ADGRA1: variants seen among roughly 807,000 people sequenced by gnomAD.
ADGRA1 encodes the protein G-protein coupled receptor 123.
ADGRA1 carries 12 observed loss-of-function variants against 21.3 expected under a neutral mutation model. The ratio of observed to expected loss-of-function variants is 0.56; its 90% confidence interval spans 0.36 to 0.91. ADGRA1 has a LOEUF of 0.91. Among genes scored for constraint, ADGRA1 ranks in the 40% least tolerant of loss-of-function variants. The pLI is 0.01. For missense variants in ADGRA1, 790 were observed against 805.6 expected, an observed-to-expected ratio of 0.98 and a Z score of 0.23; for synonymous variants, 385 against 368.8, an observed-to-expected ratio of 1.04 and a Z score of -0.50.
chr10:133,091,447 C>A (rs182525545), intron 2 of ADGRA1, among the ~76,000 whole-genome samples: 29 of 152,308 alleles, frequency 1.9e-4, no homozygotes, highest in African/African-American at 7.0e-4. Flanking sequence ...TCCACAATTG[C>A]AATATTTAGG....
At chr10:133,097,197 A>G in intron 3 of ADGRA1, 96 bp downstream of exon 3, 1 of 1,440,726 alleles carries the variant, frequency 6.9e-7, no homozygotes, top group South Asian at 1.2e-5. Flanking sequence ...CTGCCCCCTC[A>G]TGTAGCAAGA....
rs775711151 is a variant in ADGRA1, at chr10:133,127,317, C to T, written c.486C>T (p.Asp162=). The T allele has an allele frequency of 5.6e-6, 9 of 1,597,736 alleles. No homozygotes were observed. The highest frequency in any genetic ancestry group is 1.7e-5 in the Admixed American group (1 of 57,534). Residue 162 remains aspartate (D), a synonymous_variant, in exon 6 of 7, where the codon GAC becomes GAT. Transcript: ENST00000392607. ...ACATCAGGAATTACGGGACAGAGGACGAGGACACGGCGTAGTGAGTACCGG... is the reference window on the plus strand; with the variant it reads ...ACATCAGGAATTACGGGACAGAGGATGAGGACACGGCGTAGTGAGTACCGG... The part of the protein sequence containing the change: ...ATNIRNYGTE[D]EDTAYCWMAW...
intron 5 of ADGRA1, among the ~76,000 whole-genome samples, chr10:133,107,103 A>G (rs1408916231): frequency 6.6e-6 from 1 of 152,162 alleles, no homozygotes; most frequent in African/African-American, 2.4e-5. Flanking sequence ...TGATGTTATT[A>G]TAAATGGGGT....
chr10:133,095,563 C>T (rs540098283), intron 2 of ADGRA1: 27 of 1,422,672 alleles, frequency 1.9e-5, no homozygotes, highest in Admixed American at 4.9e-5. Context: ...AGGGCCCCTC[C>T]GGTGCCCGCC....
chr10:133,117,259 C>T (rs1852176290), intron 5 of ADGRA1, among the ~76,000 whole-genome samples: 2 of 152,348 alleles, frequency 1.3e-5, no homozygotes, highest in South Asian at 4.1e-4. Context: ...GAGGCAGCAC[C>T]CGGAGCCCAC....
In ADGRA1 at chr10:133,095,750, G is replaced by A. The variant is rs769640603; in HGVS notation, c.4-1224G>A. 1.3e-5 allele frequency: 21 copies of A among 1,598,398 alleles called. 1 individual carries two copies. The highest frequency in any genetic ancestry group is 6.6e-5 in the South Asian group (6 of 90,908). ...CCTCAGGAGGGAAGCAGGAGCTCTCGGGCCCGCTGGCTGCCTGCATCCCGA... is the reference window on the plus strand; with the variant it reads ...CCTCAGGAGGGAAGCAGGAGCTCTCAGGCCCGCTGGCTGCCTGCATCCCGA... On this transcript the variant is annotated intron_variant, in intron 2 of 6. Coordinates refer to ENST00000392607, the MANE Select transcript of ADGRA1 (RefSeq NM_001083909.3).
chr10:133,093,765 C>T (rs1271878766), intron 2 of ADGRA1, among the ~76,000 whole-genome samples: 1 of 152,252 alleles, frequency 6.6e-6, no homozygotes, highest in East Asian at 1.9e-4. Context: ...TTCTGACTTG[C>T]TGGCTCACCC....
rs764314141 is a variant in ADGRA1 at position 133,129,424 on chromosome 10, G to A, written c.1596G>A (p.Lys532=). ...GCCCCAGCCAGAACGGGCTGCCCAA[G>A]GGTAAATTGCTAGAAGGCCTGCCGT... is the stretch of plus-strand genomic sequence containing the variant. The part of the protein sequence containing the change: ...FGGPSQNGLP[K]GKLLEGLPFG... The change falls in exon 7 of 7, where the codon AAG becomes AAA. Residue 532 remains lysine (K), a synonymous_variant. Transcript: ENST00000392607. 7 of 1,604,994 alleles carry A rather than the reference G, an allele frequency of 4.4e-6. No homozygotes were observed. In the Admixed American group the frequency reaches 5.0e-5, roughly 11 times the overall value.
rs138862408 is a variant in ADGRA1 at position 133,128,731 on chromosome 10, C to T, written c.903C>T (p.Phe301=). 2.9e-4 allele frequency: 466 copies of T among 1,612,172 alleles called. No individual in the cohort carries two copies. In the South Asian group the frequency reaches 4.6e-3, roughly 16 times the overall value. ...YGAFCVTLGL[F]VLIHHCAKRE... is the part of the protein sequence containing the mutation. Reference sequence around the variant, plus strand: ...CCTTCTGCGTGACCCTGGGACTCTTCGTGCTCATCCACCACTGCGCCAAGC... The same window carrying T: ...CCTTCTGCGTGACCCTGGGACTCTTTGTGCTCATCCACCACTGCGCCAAGC... The change falls in exon 7 of 7, where the codon TTC becomes TTT. Residue 301 remains phenylalanine, a synonymous_variant. Transcript: ENST00000392607.
intron 2 of ADGRA1, among the ~76,000 whole-genome samples, chr10:133,089,784 C>T (rs1189957075): frequency 6.6e-6 from 1 of 152,240 alleles, no homozygotes; most frequent in East Asian, 1.9e-4. Context: ...AGAGAGATGC[C>T]TTTGCCAACA....
At chr10:133,112,405 G>A (rs11599089) in intron 5 of ADGRA1, among the ~76,000 whole-genome samples, 5,122 of 140,236 alleles carry the variant, frequency 0.037, 68 homozygotes, top group Non-Finnish European at 0.054. Context: ...GGCCGCGTCC[G>A]TTATTTGGGG....
intron 5 of ADGRA1, among the ~76,000 whole-genome samples, chr10:133,119,673 T>C (rs1191358704): frequency 1.3e-5 from 2 of 152,244 alleles, no homozygotes; most frequent in African/African-American, 2.4e-5. Context: ...AAGAAGCAAC[T>C]CCTCACTGGT....
chr10:133,088,778 C>G lies in ADGRA1; in HGVS notation c.-132C>G. The G allele has an allele frequency of 1.6e-6, 2 of 1,232,058 alleles. No individual in the cohort carries two copies. The highest frequency in any genetic ancestry group is 2.0e-6 in the Non-Finnish European group (2 of 987,794). 76.3% of individuals were successfully genotyped at this position (1,232,058 alleles called of 1,614,324 possible). A position where few individuals can be genotyped will look rare whatever the true frequency, so the allele number is the denominator to read the frequency against. On this transcript the variant is annotated 5_prime_UTR_variant, in exon 2 of 7. Transcript: ENST00000392607. Reference sequence around the variant, plus strand: ...GAGGCCAGGGGCCCGGGAGCGCGACCTCCTGGCCGCCGTCTGGGACTTTGA... The same window carrying G: ...GAGGCCAGGGGCCCGGGAGCGCGACGTCCTGGCCGCCGTCTGGGACTTTGA...
chr10:133,107,901 G>A lies in ADGRA1; in HGVS notation c.401+5059G>A, dbSNP rs150621849. Among the ~76,000 whole-genome samples, 164 of 152,310 alleles carry A rather than the reference G, an allele frequency of 1.1e-3. 1 individual carries two copies. The highest frequency in any genetic ancestry group is 3.8e-3 in the African/African-American group (159 of 41,572). ...TGATCAATGCAGTGTGGTTTTGGGT[G>A]GCTTGTCTCTGCAAGGAGATCTTCA... On this transcript the variant is annotated intron_variant, in intron 5 of 6. Coordinates refer to ENST00000392607, the MANE Select transcript of ADGRA1 (RefSeq NM_001083909.3).
At chr10:133,106,053 G>C (rs939744173) in intron 5 of ADGRA1, among the ~76,000 whole-genome samples, 1 of 152,200 alleles carries the variant, frequency 6.6e-6, no homozygotes. Flanking sequence ...AGATTTGGGG[G>C]CACCCTCTCC....
chr10:133,108,220 G>A (rs1851926521), intron 5 of ADGRA1, among the ~76,000 whole-genome samples: 1 of 152,252 alleles, frequency 6.6e-6, no homozygotes, highest in African/African-American at 2.4e-5. Flanking sequence ...TGTAGGTTGT[G>A]TGTGAATCTG....
Position 133,114,460 on chromosome 10 carries a change from G to A in ADGRA1, c.401+11618G>A, listed in dbSNP as rs935796946. On this transcript the variant is annotated intron_variant, in intron 5 of 6. Transcript: ENST00000392607. ...GTCTGGAGCTGGGCATTGTGGTGCC[G>A]TCTGCAGGGTACAGCTGGTGCCCAG... Among the ~76,000 whole-genome samples the A allele has an allele frequency of 5.3e-5, 8 of 152,152 alleles. No individual in the cohort carries two copies. The East Asian group carries it at 5.8e-4, about 11-fold the overall frequency.
In ADGRA1 at chr10:133,125,959, A is replaced by G. The variant is rs74995417; in HGVS notation, c.402-1274A>G. On this transcript the variant is annotated intron_variant, in intron 5 of 6. Transcript: ENST00000392607. ...AAGTTCTCTCTTTAAACAGTCATTG[A>G]AAGAGGGAGGAAATTAAGAAGGGGG... 6.5e-4 allele frequency among the ~76,000 whole-genome samples: 99 copies of G among 152,338 alleles called. 1 individual carries two copies. In the East Asian group the frequency reaches 0.015, roughly 23 times the overall value.
chr10:133,118,045 C>T (rs1002220489), intron 5 of ADGRA1, among the ~76,000 whole-genome samples: 17 of 152,308 alleles, frequency 1.1e-4, no homozygotes, highest in African/African-American at 4.1e-4. Flanking sequence ...GTGAGCCCTG[C>T]GGGGAGCTGG....
Sources: gnomAD v4.1 joint callset for allele counts (sites outside exome capture counted in the v4.1 genomes callset) on GRCh38, gnomAD v4.1.1 for gene constraint, MANE v1.5 for transcripts, NCBI Gene and HGNC (gene_info 2026-07-23, HGNC 2026-07-21) for gene names.